The following PCDH15 variants were observed in gnomAD, a reference collection of about 807,000 sequenced individuals.
PCDH15 encodes the protein protocadherin related 15, also known as protocadherin-15.
Under a neutral mutation model 178.5 loss-of-function variants are expected in PCDH15, and 129 were observed. That is an observed-to-expected ratio of 0.72 (90% CI 0.63 to 0.84). The LOEUF is 0.84. PCDH15 is among the 40% of genes least tolerant of loss of function. The pLI is 0.00. For missense variants in PCDH15, 2,230 were observed against 2,099.9 expected, an observed-to-expected ratio of 1.06 and a Z score of -1.21; for synonymous variants, 800 against 732.0, an observed-to-expected ratio of 1.09 and a Z score of -1.50.
intron 5 of PCDH15, among the ~76,000 whole-genome samples, chr10:54,367,612 C>T (rs576498378): frequency 8.6e-5 from 13 of 151,914 alleles, no homozygotes; most frequent in African/African-American, 2.4e-4. Flanking sequence ...ACAATGAGAA[C>T]ACCTGGACAC....
chr10:53,980,167 G>A (rs2090510828), intron 21 of PCDH15, among the ~76,000 whole-genome samples: 1 of 150,544 alleles, frequency 6.6e-6, no homozygotes, highest in African/African-American at 2.5e-5. Flanking sequence ...GTTGCAGTGA[G>A]CTGAGATCAC....
chr10:54,018,362 C>T (rs1157637770), intron 20 of PCDH15, among the ~76,000 whole-genome samples: 2 of 152,032 alleles, frequency 1.3e-5, no homozygotes, highest in Admixed American at 1.3e-4. Context: ...CTGCACTTTC[C>T]CACAGTCTTC....
At chr10:54,539,028 A>T (rs2132918745) in intron 2 of PCDH15, among the ~76,000 whole-genome samples, 1 of 152,332 alleles carries the variant, frequency 6.6e-6, no homozygotes, top group Non-Finnish European at 1.5e-5. Context: ...GGCAATTTTA[A>T]CAATATTGAT....
At chr10:55,510,588 T>C (rs1321346048) in intron 2 of PCDH15, among the ~76,000 whole-genome samples, 4 of 151,966 alleles carry the variant, frequency 2.6e-5, no homozygotes, top group African/African-American at 9.7e-5. Context: ...TAAGTATAGA[T>C]TCAGGTGTTT....
intron 2 of PCDH15, among the ~76,000 whole-genome samples, chr10:54,551,796 G>C (rs1041807875): frequency 6.6e-6 from 1 of 151,838 alleles, no homozygotes; most frequent in Non-Finnish European, 1.5e-5. Flanking sequence ...AAAATAGTAT[G>C]TATTCCTAAA....
chr10:54,304,737 A>G (rs1331429353), intron 8 of PCDH15, among the ~76,000 whole-genome samples: 1 of 152,118 alleles, frequency 6.6e-6, no homozygotes, highest in Non-Finnish European at 1.5e-5. Flanking sequence ...GAGCAAAAGT[A>G]GAAACAGGGA....
chr10:54,393,590 A>G (rs764136014), intron 3 of PCDH15, among the ~76,000 whole-genome samples: 1 of 152,232 alleles, frequency 6.6e-6, no homozygotes, highest in Non-Finnish European at 1.5e-5. Flanking sequence ...TTACATCACA[A>G]AAAGTTTCCA....
chr10:55,028,046 A>G (rs1840519499), intron 2 of PCDH15, among the ~76,000 whole-genome samples: 2 of 151,892 alleles, frequency 1.3e-5, no homozygotes, highest in African/African-American at 4.8e-5. Flanking sequence ...GCAAAGGTCA[A>G]TATCAGCAAA....
At chr10:53,862,243 G>A (rs2079153640) in intron 27 of PCDH15, among the ~76,000 whole-genome samples, 1 of 152,010 alleles carries the variant, frequency 6.6e-6, no homozygotes, top group Admixed American at 6.6e-5. Context: ...TAGAGACGAG[G>A]TTTCACCATG....
intron 3 of PCDH15, among the ~76,000 whole-genome samples, chr10:54,465,741 C>A (rs2077475857): frequency 2.0e-5 from 3 of 151,882 alleles, no homozygotes; most frequent in Admixed American, 1.3e-4. Context: ...GATTTCTTCT[C>A]TTTTGAATAG....
chr10:53,891,262 T>C (rs1360842752), intron 26 of PCDH15, among the ~76,000 whole-genome samples: 1 of 152,208 alleles, frequency 6.6e-6, no homozygotes, highest in Non-Finnish European at 1.5e-5. Flanking sequence ...AGAAAAATTC[T>C]GAGATTTTCA....
intron 2 of PCDH15, among the ~76,000 whole-genome samples, chr10:54,915,820 G>C (rs1204857486): frequency 6.6e-6 from 1 of 151,946 alleles, no homozygotes; most frequent in East Asian, 1.9e-4. Flanking sequence ...TAAATATCTT[G>C]AGATTACCTA....
intron 2 of PCDH15, chr10:54,585,575 T>C (rs2026413): frequency 0.79 from 174,986 of 221,022 alleles, 69,765 homozygotes; most frequent in Middle Eastern, 0.84. Flanking sequence ...AAATAATTCA[T>C]TCATTTCATT....
intron 9 of PCDH15, among the ~76,000 whole-genome samples, chr10:54,222,691 T>C (rs1316104801): frequency 6.6e-6 from 1 of 152,226 alleles, no homozygotes; most frequent in African/African-American, 2.4e-5. Context: ...GGTGTGTATG[T>C]AGTGATATTC....
At position 55,521,755 on chromosome 10, in the gene PCDH15, T is replaced by C. The variant is rs575038862; in HGVS notation, c.-156+105870A>G. Among the ~76,000 whole-genome samples the C allele has an allele frequency of 7.2e-4, 109 of 151,986 alleles. No homozygotes were observed. The South Asian group carries it at 0.014, about 20-fold the overall frequency. On this transcript the variant is annotated intron_variant, in intron 2 of 5. Transcript: ENST00000613346. ...ATGGTGATACATCACAATAAACCTA[T>C]GGTAAGCTGAAAATATTGTAAGTCA... is the stretch of plus-strand genomic sequence containing the variant.
At chr10:54,096,043 A>G (rs191011751) in intron 15 of PCDH15, among the ~76,000 whole-genome samples, 3 of 152,292 alleles carry the variant, frequency 2.0e-5, no homozygotes, top group Non-Finnish European at 4.4e-5. Context: ...TCTGGAGAGC[A>G]CTACAATCCC....
At chr10:54,435,630 A>G (rs147637013) in intron 3 of PCDH15, among the ~76,000 whole-genome samples, 244 of 152,316 alleles carry the variant, frequency 1.6e-3, no homozygotes, top group African/African-American at 5.7e-3. Context: ...GAGATAAAAT[A>G]GAAGCAGCTA....
intron 2 of PCDH15, among the ~76,000 whole-genome samples, chr10:54,645,471 A>G (rs2094110838): frequency 6.6e-6 from 1 of 152,248 alleles, no homozygotes; most frequent in African/African-American, 2.4e-5. Flanking sequence ...AAGAAAATAG[A>G]CAAAAAGTTG....
chr10:54,536,164 A>G (rs1053879084), intron 2 of PCDH15, among the ~76,000 whole-genome samples: 1 of 152,204 alleles, frequency 6.6e-6, no homozygotes, highest in African/African-American at 2.4e-5. Flanking sequence ...GCCTAGGTTA[A>G]ATACTAGTCA....
Sources: allele counts gnomAD v4.1 joint callset (sites outside exome capture counted in the v4.1 genomes callset), GRCh38; gene constraint gnomAD v4.1.1; transcripts MANE v1.5; gene names NCBI Gene and HGNC (gene_info 2026-07-23, HGNC 2026-07-21).